SLCO3A1: variants seen among roughly 807,000 people sequenced by gnomAD.
SLCO3A1 encodes the protein PGE1 transporter.
Under a neutral mutation model 63.1 loss-of-function variants are expected in SLCO3A1, and 27 were observed. The ratio of observed to expected loss-of-function variants is 0.43; its 90% CI spans 0.32 to 0.59. SLCO3A1 has a LOEUF of 0.59. Among genes scored for constraint, SLCO3A1 ranks in the 20% least tolerant of loss-of-function variants. The probability of loss-of-function intolerance (pLI) is 0.09; values close to 1 mark genes in which losing one functional copy is unlikely to be tolerated. For missense variants in SLCO3A1, 773 were observed against 945.8 expected, an observed-to-expected ratio of 0.82 and a Z score of 2.40; for synonymous variants, 473 against 409.9, an observed-to-expected ratio of 1.15 and a Z score of -1.86.
chr15:91,964,743 G>T (rs796204736), intron 2 of SLCO3A1, among the ~76,000 whole-genome samples: 2 of 136,020 alleles, frequency 1.5e-5, no homozygotes, highest in African/African-American at 3.0e-5. Context: ...AAATTAGATA[G>T]TTTTTTTTTT....
intron 2 of SLCO3A1, among the ~76,000 whole-genome samples, chr15:91,999,602 T>A (rs2046229729): frequency 6.6e-6 from 1 of 152,092 alleles, no homozygotes; most frequent in African/African-American, 2.4e-5. Flanking sequence ...CACCAAGGGG[T>A]GGCAAAAATA....
rs539000703 is a variant in SLCO3A1 at position 91,951,321 on chromosome 15, G to T, written c.646+34863G>T. 2.6e-5 allele frequency among the ~76,000 whole-genome samples: 4 copies of T among 152,268 alleles called. No individual in the cohort carries two copies. The South Asian group carries it at 8.3e-4, about 32-fold the overall frequency. ...AATATACATGGAATCAGTGCAATACGTGGTGTTTTGTGTCCAATTCTTTCA... is the reference window on the plus strand; with the variant it reads ...AATATACATGGAATCAGTGCAATACTTGGTGTTTTGTGTCCAATTCTTTCA... On this transcript the variant is annotated intron_variant, in intron 2 of 9. Coordinates refer to ENST00000318445, the MANE Select transcript of SLCO3A1 (RefSeq NM_013272.4).
Position 91,968,281 on chromosome 15 carries a change from C to T in SLCO3A1, c.646+51823C>T, listed in dbSNP as rs970813474. Among the ~76,000 whole-genome samples the T allele has an allele frequency of 1.3e-5, 2 of 152,114 alleles. No individual in the cohort carries two copies. The highest frequency in any genetic ancestry group is 4.8e-5 in the African/African-American group (2 of 41,416). ...TTACTTCTCCACCTGGGGAAAACAG[C>T]AGATGGAGGAGAGGAAAGAGAAGTT... On this transcript the variant is annotated intron_variant, in intron 2 of 9. Transcript: ENST00000318445. The surrounding 1 kb of genome is among the most constrained non-coding windows in gnomAD (Gnocchi z 4.2).
chr15:92,002,894 C>G (rs1326347731), intron 2 of SLCO3A1, among the ~76,000 whole-genome samples: 1 of 152,136 alleles, frequency 6.6e-6, no homozygotes, highest in Non-Finnish European at 1.5e-5. Context: ...TACCATACCC[C>G]AGTTCTACTT....
chr15:92,066,486 T>C (rs938121566), intron 2 of SLCO3A1, among the ~76,000 whole-genome samples: 1 of 152,214 alleles, frequency 6.6e-6, no homozygotes, highest in Non-Finnish European at 1.5e-5. Flanking sequence ...TTCTGAGAAA[T>C]GCAAAACCTG....
chr15:91,976,738 G>A lies in SLCO3A1; in HGVS notation c.646+60280G>A, dbSNP rs1901127836. On this transcript the variant is annotated intron_variant, in intron 2 of 9. Transcript: ENST00000318445. Reference sequence around the variant, plus strand: ...CGTCCGGGGGAGACATCACATGTTGGTAGGTTCCGTGATGCCCCACAAGCC... The same window carrying A: ...CGTCCGGGGGAGACATCACATGTTGATAGGTTCCGTGATGCCCCACAAGCC... 2.6e-5 allele frequency among the ~76,000 whole-genome samples: 4 copies of A among 152,260 alleles called. No individual in the cohort carries two copies. In the South Asian group the frequency reaches 8.3e-4, roughly 32 times the overall value.
At position 91,859,258 on chromosome 15, in the gene SLCO3A1, G is replaced by A. The variant is rs183310547; in HGVS notation, c.180+5170G>A. 5.9e-5 allele frequency among the ~76,000 whole-genome samples: 9 copies of A among 152,194 alleles called. No individual in the cohort carries two copies. The highest frequency in any genetic ancestry group is 1.9e-4 in the African/African-American group (8 of 41,500). ...AAATCTCGGTATTTTCTTGCCTCTC[G>A]GAAATGCCTTTGGTAATCTGTAGGC... On this transcript the variant is annotated intron_variant, in intron 1 of 9. Coordinates refer to ENST00000318445, the MANE Select transcript of SLCO3A1 (RefSeq NM_013272.4). This position sits in a 1 kb window ranked among gnomAD's most constrained non-coding sequence, Gnocchi z 5.1.
intron 1 of SLCO3A1, among the ~76,000 whole-genome samples, chr15:91,858,612 G>C (rs1896979845): frequency 6.6e-6 from 1 of 152,198 alleles, no homozygotes. Context: ...CTTATGAAAA[G>C]GATCGCCAAG....
chr15:91,969,181 C>G (rs7182905), intron 2 of SLCO3A1, among the ~76,000 whole-genome samples: 2 of 151,992 alleles, frequency 1.3e-5, no homozygotes, highest in Admixed American at 6.6e-5. Flanking sequence ...AGATATTTGT[C>G]GAATGAATGA....
chr15:92,016,413 A>G (rs1426192145), intron 2 of SLCO3A1, among the ~76,000 whole-genome samples: 7 of 151,964 alleles, frequency 4.6e-5, no homozygotes, highest in Admixed American at 3.9e-4. Context: ...AATCCCCCCA[A>G]CTCAGCTGGG....
At position 91,856,132 on chromosome 15, in the gene SLCO3A1, G is replaced by T. The variant is rs1896914148; in HGVS notation, c.180+2044G>T. On this transcript the variant is annotated intron_variant, in intron 1 of 9. Coordinates refer to ENST00000318445, the MANE Select transcript of SLCO3A1 (RefSeq NM_013272.4). The surrounding 1 kb of genome is among the most constrained non-coding windows in gnomAD (Gnocchi z 4.9). ...GAGGTTGACTTTAATCCCAGAACAG[G>T]GGAATGGCAAGCAGAGGAGGAATTC... Among the ~76,000 whole-genome samples, 1 of 151,922 alleles carries T rather than the reference G, an allele frequency of 6.6e-6. No homozygotes were observed. The highest frequency in any genetic ancestry group is 2.4e-5 in the African/African-American group (1 of 41,326).
chr15:92,115,353 C>G (rs897074831), intron 4 of SLCO3A1, among the ~76,000 whole-genome samples: 1 of 152,134 alleles, frequency 6.6e-6, no homozygotes. Context: ...TCTTTCCCTT[C>G]TCTGCTAGCT....
Position 91,882,823 on chromosome 15 carries a change from T to C in SLCO3A1, c.180+28735T>C, listed in dbSNP as rs1038937728. ...AGGTGTGAGCTACCGCGCCCAGCCA[T>C]GACTTCTTAATCCCACTCGGATTTC... On this transcript the variant is annotated intron_variant, in intron 1 of 9. Coordinates refer to ENST00000318445, the MANE Select transcript of SLCO3A1 (RefSeq NM_013272.4). The surrounding 1 kb of genome is among the most constrained non-coding windows in gnomAD (Gnocchi z 4.4). 3.9e-5 allele frequency among the ~76,000 whole-genome samples: 6 copies of C among 152,194 alleles called. No individual in the cohort carries two copies. The highest frequency in any genetic ancestry group is 8.8e-5 in the Non-Finnish European group (6 of 68,028).
At chr15:91,971,394 C>CAAAAGAAAAAAAAAAAAAAA in intron 2 of SLCO3A1, among the ~76,000 whole-genome samples, 1 of 39,388 alleles carries the variant, frequency 2.5e-5, no homozygotes, top group Non-Finnish European at 4.7e-5. Flanking sequence ...GACTCCATCT[C>CAAAAGAAAAAAAAAAAAAAA]AAAAAAAAAA....
chr15:92,003,741 A>G (rs2046282034), intron 2 of SLCO3A1, among the ~76,000 whole-genome samples: 1 of 152,212 alleles, frequency 6.6e-6, no homozygotes, highest in South Asian at 2.1e-4. Context: ...TCCCCATGGA[A>G]TTCATGGATA....
chr15:92,012,742 TAAAAAAAAAA>T (rs33945478), intron 2 of SLCO3A1, among the ~76,000 whole-genome samples: 3 of 126,694 alleles, frequency 2.4e-5, no homozygotes, highest in Non-Finnish European at 4.9e-5. Context: ...GTCTCTAATT[TAAAAAAAAAA>T]AAAAAAAAAA....
intron 9 of SLCO3A1, chr15:92,161,984 C>T (rs1418172137): frequency 2.6e-5 from 4 of 152,158 alleles, no homozygotes; most frequent in East Asian, 3.9e-4. Flanking sequence ...TATGAGACTA[C>T]GCTGCTTTCA....
chr15:92,130,467 G>A (rs1388552994), intron 7 of SLCO3A1, among the ~76,000 whole-genome samples: 2 of 152,202 alleles, frequency 1.3e-5, no homozygotes, highest in East Asian at 1.9e-4. Context: ...GAGCTGGGGT[G>A]AGGCATACAG....
intron 3 of SLCO3A1, among the ~76,000 whole-genome samples, chr15:92,097,537 G>T (rs1246433240): frequency 6.6e-6 from 1 of 152,330 alleles, no homozygotes; most frequent in East Asian, 1.9e-4. Context: ...GGAGCGGTGT[G>T]ATCCATGGTT....
Sources: allele counts gnomAD v4.1 joint callset (sites outside exome capture counted in the v4.1 genomes callset), GRCh38; gene constraint gnomAD v4.1.1; non-coding constraint Gnocchi (gnomAD v3.1); transcripts MANE v1.5; gene names NCBI Gene and HGNC (gene_info 2026-07-23, HGNC 2026-07-21).